The following TNPO3 variants were observed in gnomAD, a reference collection of about 807,000 sequenced individuals.
TNPO3 encodes the protein transportin 3, also known as transportin-3.
Under a neutral mutation model 122.8 loss-of-function variants are expected in TNPO3, and 65 were observed. The ratio of observed to expected loss-of-function variants is 0.53; its 90% CI spans 0.43 to 0.65. The LOEUF (loss-of-function observed/expected upper bound fraction) is 0.65. TNPO3 is among the 30% of genes least tolerant of loss of function. TNPO3 has a pLI of 0.00. For missense variants in TNPO3, 850 were observed against 1,136.7 expected, an observed-to-expected ratio of 0.75 and a Z score of 3.63; for synonymous variants, 372 against 411.2, an observed-to-expected ratio of 0.90 and a Z score of 1.15.
intron 8 of TNPO3, among the ~76,000 whole-genome samples, chr7:128,995,888 G>A (rs917108179): frequency 6.6e-6 from 1 of 152,126 alleles, no homozygotes; most frequent in Non-Finnish European, 1.5e-5. Flanking sequence ...TAGTAGAGAC[G>A]GGGTTTTGCC....
intron 21 of TNPO3, among the ~76,000 whole-genome samples, chr7:128,963,180 G>A: frequency 6.6e-6 from 1 of 152,180 alleles, no homozygotes; most frequent in South Asian, 2.1e-4. Context: ...ATAACCTTAT[G>A]AGACTGGTAG....
intron 20 of TNPO3, among the ~76,000 whole-genome samples, chr7:128,969,694 C>A (rs779920155): frequency 3.3e-5 from 5 of 152,170 alleles, no homozygotes; most frequent in Admixed American, 6.5e-5. Context: ...GGAAATATAT[C>A]CAACTGTACA....
At chr7:128,986,319 A>AGAGAC (rs1397554744) in intron 12 of TNPO3, among the ~76,000 whole-genome samples, 1 of 152,212 alleles carries the variant, frequency 6.6e-6, no homozygotes, top group Non-Finnish European at 1.5e-5. Flanking sequence ...AAGGCTGCTA[A>AGAGAC]GAGACCAGGA....
chr7:129,051,674 C>T (rs539495752), intron 1 of TNPO3, among the ~76,000 whole-genome samples: 9 of 152,118 alleles, frequency 5.9e-5, no homozygotes, highest in East Asian at 1.9e-4. Flanking sequence ...AATGGAGTCG[C>T]GCTCTGTCGC....
At chr7:129,054,094 A>G (rs1007749152) in intron 1 of TNPO3, among the ~76,000 whole-genome samples, 3 of 152,206 alleles carry the variant, frequency 2.0e-5, no homozygotes, top group African/African-American at 7.2e-5. Flanking sequence ...TTTTTTCTTC[A>G]TATTATGTTG....
intron 1 of TNPO3, among the ~76,000 whole-genome samples, chr7:129,054,440 G>A (rs1229206864): frequency 1.3e-5 from 2 of 152,172 alleles, no homozygotes; most frequent in Non-Finnish European, 1.5e-5. Flanking sequence ...AGATTCTGCC[G>A]GGTGGGGAAA....
intron 14 of TNPO3, among the ~76,000 whole-genome samples, chr7:128,980,661 G>C (rs371888125): frequency 9.2e-5 from 14 of 152,220 alleles, no homozygotes; most frequent in African/African-American, 3.4e-4. Flanking sequence ...TTGTACTCCG[G>C]CCTGGGCAAC....
chr7:128,981,428 G>A (rs528268944), intron 14 of TNPO3, among the ~76,000 whole-genome samples: 8 of 152,266 alleles, frequency 5.3e-5, no homozygotes, highest in African/African-American at 1.9e-4. Flanking sequence ...AATTTCACCT[G>A]ATCACTGAAG....
chr7:129,000,983 G>GA, intron 6 of TNPO3, 76 bp downstream of exon 6: 2 of 1,480,012 alleles, frequency 1.4e-6, no homozygotes, highest in Non-Finnish European at 1.9e-6. Flanking sequence ...AATGACAGAC[G>GA]AATAATAAAA....
intron 18 of TNPO3, among the ~76,000 whole-genome samples, chr7:128,973,735 C>CA (rs71162544): frequency 0.63 from 3,300 of 5,212 alleles, 1,431 homozygotes; most frequent in Non-Finnish European, 0.67. Flanking sequence ...GACTCCGTCT[C>CA]AAAAAAAAAA....
In TNPO3 at chr7:128,986,906, A is replaced by T; in HGVS notation, c.1513T>A (p.Tyr505Asn). ...NPQFLDPVLG[Y>N]LMKGLCEKPL... is the part of the protein sequence containing the mutation. ...TTTTCACACAGGCCTTTCATCAAAT[A>T]GCCCAACACAGGGTCTAAGAAGAAA... is the stretch of plus-strand genomic sequence containing the variant. The change falls in exon 12 of 23, where the codon TAT (tyrosine) becomes AAT (asparagine). Residue 505 changes from tyrosine (Y) to asparagine (N), a missense_variant. By Grantham distance (143) the Tyr-to-Asn change is moderately radical. Transcript: ENST00000265388. The T allele has an allele frequency of 6.2e-7, 1 of 1,612,050 alleles. No individual in the cohort carries two copies.
chr7:129,017,980 A>G lies in TNPO3; in HGVS notation c.298T>C (p.Leu100=). 1.9e-6 allele frequency: 3 copies of G among 1,614,154 alleles called. No homozygotes were observed. The highest frequency in any genetic ancestry group is 2.5e-6 in the Non-Finnish European group (3 of 1,180,006). Residue 100 remains leucine (L), a synonymous_variant, in exon 2 of 23, where the codon TTG becomes CTG. Transcript: ENST00000265388. ...LLTHIQNLKD[L]SPVIVTQLAL... is the part of the protein sequence containing the mutation. ...ACCTGCGTTACAATAACAGGTGACA[A>G]GTCTTTCAAGTTCTGGATATGGGTT...
chr7:128,965,210 A>C (rs1797821320), intron 21 of TNPO3, among the ~76,000 whole-genome samples: 1 of 152,236 alleles, frequency 6.6e-6, no homozygotes, highest in Non-Finnish European at 1.5e-5. Context: ...TAATATCCCA[A>C]ATATAAAAGG....
chr7:129,030,338 CT>C, intron 1 of TNPO3: 1 of 236,436 alleles, frequency 4.2e-6, no homozygotes, highest in Non-Finnish European at 8.4e-6. Flanking sequence ...GCTACTTGTA[CT>C]TTTAATGGAT....
At chr7:129,041,237 T>C (rs1257835976) in intron 1 of TNPO3, among the ~76,000 whole-genome samples, 1 of 152,118 alleles carries the variant, frequency 6.6e-6, no homozygotes, top group East Asian at 1.9e-4. Flanking sequence ...CATGGTGTAC[T>C]TGTAGTCCTA....
chr7:128,959,750 G>A (rs533284028), intron 21 of TNPO3, among the ~76,000 whole-genome samples: 9 of 152,262 alleles, frequency 5.9e-5, no homozygotes, highest in East Asian at 1.9e-4. Context: ...GGCCGGGCGC[G>A]GTGGCTCACA....
At chr7:128,987,004 T>C (rs1800232488) in intron 11 of TNPO3, 84 bp from the exon 12 acceptor site, 1 of 1,407,916 alleles carries the variant, frequency 7.1e-7, no homozygotes, top group South Asian at 1.5e-5. Flanking sequence ...ATACTTGCTT[T>C]TCTTTTTTTA....
intron 4 of TNPO3, among the ~76,000 whole-genome samples, chr7:129,007,260 T>A (rs1802682099): frequency 6.7e-6 from 1 of 150,086 alleles, no homozygotes. Flanking sequence ...TAGCCAGGAC[T>A]TAAACTTAAG....
chr7:129,000,645 T>C, intron 6 of TNPO3, 78 bp from the exon 7 acceptor site: 1 of 1,402,078 alleles, frequency 7.1e-7, no homozygotes, highest in Non-Finnish European at 9.8e-7. Flanking sequence ...GTTAATCAAA[T>C]AAATAAAAGG....
Sources: allele counts gnomAD v4.1 joint callset (sites outside exome capture counted in the v4.1 genomes callset), GRCh38; gene constraint gnomAD v4.1.1; transcripts MANE v1.5; gene names NCBI Gene and HGNC (gene_info 2026-07-23, HGNC 2026-07-21).